GUCY1A2: variants seen among roughly 807,000 people sequenced by gnomAD.
The protein encoded by GUCY1A2 is guanylate cyclase 1 soluble subunit alpha 2.
A neutral mutation model predicts 63.5 loss-of-function variants in GUCY1A2; 27 were observed. The ratio of observed to expected loss-of-function variants is 0.43; its 90% CI spans 0.31 to 0.59. The LOEUF is 0.59. GUCY1A2 is among the 20% of genes least tolerant of loss of function. GUCY1A2 has a pLI of 0.11. For synonymous variants in GUCY1A2, 364 were observed against 343.5 expected, an observed-to-expected ratio of 1.06 and a Z score of -0.66; for missense variants, 768 against 913.3, an observed-to-expected ratio of 0.84 and a Z score of 2.05.
chr11:106,892,354 T>C (rs1443452385), intron 4 of GUCY1A2, among the ~76,000 whole-genome samples: 2 of 152,152 alleles, frequency 1.3e-5, no homozygotes, highest in African/African-American at 4.8e-5. Context: ...TCTGGGCCTG[T>C]AATATATTTG....
intron 3 of GUCY1A2, among the ~76,000 whole-genome samples, chr11:106,974,519 A>T (rs937336840): frequency 6.6e-6 from 1 of 152,156 alleles, no homozygotes; most frequent in African/African-American, 2.4e-5. Flanking sequence ...ATCATTACTT[A>T]TAAAAAAACA....
chr11:106,905,304 A>G (rs761511855), intron 4 of GUCY1A2, among the ~76,000 whole-genome samples: 1 of 152,138 alleles, frequency 6.6e-6, no homozygotes, highest in Non-Finnish European at 1.5e-5. Context: ...TCTTAGTCAG[A>G]TAAAGCTGCA....
At chr11:106,868,739 A>G (rs1488758414) in intron 4 of GUCY1A2, among the ~76,000 whole-genome samples, 1 of 152,222 alleles carries the variant, frequency 6.6e-6, no homozygotes, top group Non-Finnish European at 1.5e-5. Context: ...CTTGCTTCAC[A>G]GAATTGGAAA....
At chr11:106,743,775 A>T (rs1863737761) in intron 6 of GUCY1A2, among the ~76,000 whole-genome samples, 1 of 152,210 alleles carries the variant, frequency 6.6e-6, no homozygotes, top group Admixed American at 6.5e-5. Flanking sequence ...CATAATATAG[A>T]ATGTGATAGG....
intron 4 of GUCY1A2, among the ~76,000 whole-genome samples, chr11:106,851,044 TG>T (rs1859347007): frequency 1.3e-5 from 2 of 151,860 alleles, no homozygotes; most frequent in East Asian, 3.9e-4. Flanking sequence ...CTAACTGGAG[TG>T]ACATCTCTCA....
chr11:106,821,577 T>C (rs1247265590), intron 4 of GUCY1A2, among the ~76,000 whole-genome samples: 15 of 152,194 alleles, frequency 9.9e-5, no homozygotes, highest in Admixed American at 9.8e-4. Context: ...AATAAATATA[T>C]AGCACCACCA....
Position 107,017,742 on chromosome 11 carries a change from C to A in GUCY1A2, c.303+11G>T, listed in dbSNP as rs1485500548. ...CCCCGAAGGCGGTCCCCCCTTCCGC[C>A]CCCCGCTCACCGAGGGCGCCGTCAG... On this transcript the variant is annotated intron_variant, in intron 1 of 7. Coordinates refer to ENST00000526355, the MANE Select transcript of GUCY1A2 (RefSeq NM_000855.3). 2.4e-5 allele frequency: 33 copies of A among 1,383,320 alleles called. No homozygotes were observed. The highest frequency in any genetic ancestry group is 3.0e-5 in the Non-Finnish European group (32 of 1,068,218). 85.7% of individuals were successfully genotyped at this position (1,383,320 alleles called of 1,614,324 possible).
At chr11:106,706,656 CTTT>C (rs200165244) in intron 7 of GUCY1A2, among the ~76,000 whole-genome samples, 10 of 137,708 alleles carry the variant, frequency 7.3e-5, no homozygotes, top group Non-Finnish European at 7.9e-5. Flanking sequence ...TTTTACACAT[CTTT>C]TTTTTTTTTT....
chr11:106,781,070 A>G (rs1864450624), intron 5 of GUCY1A2, among the ~76,000 whole-genome samples: 1 of 149,334 alleles, frequency 6.7e-6, no homozygotes, highest in South Asian at 2.1e-4. Flanking sequence ...TATTTCCTTG[A>G]GCTAAACCAA....
intron 6 of GUCY1A2, among the ~76,000 whole-genome samples, chr11:106,771,036 G>C (rs1864246592): frequency 6.6e-6 from 1 of 151,804 alleles, no homozygotes; most frequent in Non-Finnish European, 1.5e-5. Flanking sequence ...ATGCCTATGA[G>C]ATAAAATTTA....
At chr11:106,874,306 G>A (rs1037712213) in intron 4 of GUCY1A2, among the ~76,000 whole-genome samples, 6 of 152,084 alleles carry the variant, frequency 3.9e-5, no homozygotes, top group Non-Finnish European at 7.4e-5. Context: ...TACAGAAACC[G>A]AGTAGTCCAG....
intron 6 of GUCY1A2, among the ~76,000 whole-genome samples, chr11:106,734,670 C>T (rs1863559074): frequency 6.6e-6 from 1 of 152,108 alleles, no homozygotes. Flanking sequence ...CAAAGTTCCT[C>T]ATTTTCAGGG....
chr11:106,785,075 A>G (rs1443784099), intron 5 of GUCY1A2, among the ~76,000 whole-genome samples: 1 of 152,186 alleles, frequency 6.6e-6, no homozygotes, highest in Non-Finnish European at 1.5e-5. Flanking sequence ...CTTAATGCCC[A>G]CCATCATTTT....
intron 1 of GUCY1A2, among the ~76,000 whole-genome samples, chr11:107,001,189 A>G (rs952912270): frequency 6.6e-5 from 10 of 152,186 alleles, no homozygotes; most frequent in East Asian, 5.8e-4. Flanking sequence ...CAGAATCACA[A>G]GAAAATAGGT....
Position 106,709,223 on chromosome 11 carries a change from TATTA to T in GUCY1A2, c.1837-561_1837-558del, listed in dbSNP as rs1433159765. On this transcript the variant is annotated intron_variant, in intron 6 of 7. Coordinates refer to ENST00000526355, the MANE Select transcript of GUCY1A2 (RefSeq NM_000855.3). ...AATATACATGTATATTATATATAGTTATTAATAATTGTATACTATATTGTATATA... is the reference window on the plus strand; with the variant it reads ...AATATACATGTATATTATATATAGTTATAATTGTATACTATATTGTATATA... 2.8e-5 allele frequency among the ~76,000 whole-genome samples: 3 copies of T among 106,154 alleles called. No homozygotes were observed. In the Admixed American group the frequency reaches 3.8e-4, roughly 13 times the overall value. The allele number at this position is 106,154 out of a possible 152,430, so 69.6% of individuals were successfully genotyped here. A position where few individuals can be genotyped will look rare whatever the true frequency, so the allele number is the denominator to read the frequency against.
intron 4 of GUCY1A2, among the ~76,000 whole-genome samples, chr11:106,920,755 G>T (rs1347885293): frequency 6.6e-6 from 1 of 152,040 alleles, no homozygotes; most frequent in Non-Finnish European, 1.5e-5. Context: ...TAAGTTGTTG[G>T]TTTCTTTCAC....
intron 6 of GUCY1A2, among the ~76,000 whole-genome samples, chr11:106,709,116 TC>T (rs1374594424): frequency 1.5e-5 from 2 of 131,370 alleles, no homozygotes; most frequent in Non-Finnish European, 1.7e-5. Flanking sequence ...TGTTGGATTT[TC>T]CCATCAGAGA....
chr11:106,734,588 A>AT (rs1276198753), intron 6 of GUCY1A2, among the ~76,000 whole-genome samples: 2 of 152,124 alleles, frequency 1.3e-5, no homozygotes, highest in South Asian at 2.1e-4. Context: ...ATTTAGATAT[A>AT]TTTTTTATTA....
intron 4 of GUCY1A2, among the ~76,000 whole-genome samples, chr11:106,843,566 C>T (rs1302540109): frequency 6.6e-6 from 1 of 151,774 alleles, no homozygotes. Context: ...AGGGTCAGAA[C>T]TTCAGGAATA....
Sources: allele counts gnomAD v4.1 joint callset (sites outside exome capture counted in the v4.1 genomes callset), GRCh38; gene constraint gnomAD v4.1.1; transcripts MANE v1.5; gene names NCBI Gene and HGNC (gene_info 2026-07-23, HGNC 2026-07-21).